Variants in MALRD1 observed in about 807,000 individuals in gnomAD.
MALRD1 encodes MAM and LDL-receptor class A domain-containing protein 1.
A neutral mutation model predicts 242.1 loss-of-function variants in MALRD1; 247 were observed. The observed-to-expected ratio is 1.02, with a 90% CI of 0.92 to 1.13. The LOEUF is 1.13. Ranked by LOEUF, MALRD1 falls within the 50% of genes most tolerant of loss-of-function variation. The pLI is 0.00. For synonymous variants in MALRD1, 995 were observed against 866.6 expected (o/e 1.15, Z -2.60); for missense variants, 2,989 against 2,533.1 (o/e 1.18, Z -3.86).
At chr10:19,287,487 T>C (rs1452544246) in intron 21 of MALRD1, among the ~76,000 whole-genome samples, 2 of 152,136 alleles carry the variant, frequency 1.3e-5, no homozygotes, top group African/African-American at 4.8e-5. Flanking sequence ...GAGCTAGATA[T>C]TGCATGATGA....
chr10:19,109,407 C>T (rs1472075916), intron 5 of MALRD1, among the ~76,000 whole-genome samples: 1 of 152,162 alleles, frequency 6.6e-6, no homozygotes, highest in African/African-American at 2.4e-5. Flanking sequence ...CACAAGGATG[C>T]ATGAGGACTG....
chr10:19,146,434 G>A (rs1833729016), intron 11 of MALRD1, 90 bp downstream of exon 11: 2 of 1,094,894 alleles, frequency 1.8e-6, no homozygotes, highest in Non-Finnish European at 2.3e-6. Flanking sequence ...CTATTCTGTA[G>A]ACTGTATACA....
chr10:19,461,181 T>C (rs1835923026), intron 29 of MALRD1, among the ~76,000 whole-genome samples: 1 of 152,032 alleles, frequency 6.6e-6, no homozygotes, highest in Non-Finnish European at 1.5e-5. Context: ...CACAATCTCA[T>C]TTAAGAGGGG....
chr10:19,102,935 G>A (rs915648903), intron 4 of MALRD1, among the ~76,000 whole-genome samples: 42 of 151,584 alleles, frequency 2.8e-4, no homozygotes, highest in African/African-American at 9.9e-4. Context: ...TGCAACCTGC[G>A]CCTCCCGGTT....
chr10:19,414,959 A>G (rs1190989047), intron 28 of MALRD1, among the ~76,000 whole-genome samples: 1 of 152,236 alleles, frequency 6.6e-6, no homozygotes, highest in Non-Finnish European at 1.5e-5. Context: ...CCATAAAATC[A>G]TCTGCATACC....
chr10:19,409,298 A>G lies in MALRD1; in HGVS notation c.4845+19689A>G, dbSNP rs759433192. On this transcript the variant is annotated intron_variant, in intron 28 of 39. Coordinates refer to ENST00000454679, the MANE Select transcript of MALRD1 (RefSeq NM_001142308.3). ...AATGACCGAATTCCTTCAGAAATAG[A>G]TAACAGGCTGGGTGAGTGCAGTGGC... Among the ~76,000 whole-genome samples the G allele has an allele frequency of 8.3e-4, 126 of 152,272 alleles. 1 individual carries two copies. The highest frequency in any genetic ancestry group is 3.5e-3 in the Admixed American group (53 of 15,290).
rs1833858969 is a variant in MALRD1 at position 19,521,049 on chromosome 10, T to C, written c.5321-10145T>C. On this transcript the variant is annotated intron_variant, in intron 31 of 39. Transcript: ENST00000454679. ...TTTTTTGTTTGTGTCAAAGGTATTA[T>C]CTGTGAGATGATACTGAGTGAAAAA... is the stretch of plus-strand genomic sequence containing the variant. Among the ~76,000 whole-genome samples, 3 of 152,164 alleles carry C rather than the reference T, an allele frequency of 2.0e-5. No individual in the cohort carries two copies. The South Asian group carries it at 6.2e-4, about 31-fold the overall frequency.
intron 21 of MALRD1, among the ~76,000 whole-genome samples, chr10:19,318,347 TCTC>T (rs1842785191): frequency 6.6e-6 from 1 of 151,972 alleles, no homozygotes; most frequent in Non-Finnish European, 1.5e-5. Flanking sequence ...TTCAAATTGA[TCTC>T]CTGACATATC....
chr10:19,430,132 T>TTTTTTTG (rs60561217), intron 28 of MALRD1, among the ~76,000 whole-genome samples: 3 of 144,404 alleles, frequency 2.1e-5, no homozygotes, highest in Non-Finnish European at 4.5e-5. Flanking sequence ...TTTTTTTTTT[T>TTTTTTTG]GAGATGGAGG....
intron 36 of MALRD1, among the ~76,000 whole-genome samples, chr10:19,649,611 T>A (rs7077648): frequency 0.11 from 16,763 of 152,188 alleles, 2,370 homozygotes; most frequent in African/African-American, 0.33. Flanking sequence ...TTAAGTTCCT[T>A]ATAGATTCTG....
chr10:19,483,791 G>T (rs547244029), intron 29 of MALRD1, among the ~76,000 whole-genome samples: 5 of 152,040 alleles, frequency 3.3e-5, no homozygotes, highest in African/African-American at 9.6e-5. Flanking sequence ...CAAAAGAAAA[G>T]AAATATTTCT....
intron 36 of MALRD1, among the ~76,000 whole-genome samples, chr10:19,657,882 T>A (rs1331898106): frequency 2.0e-5 from 3 of 152,138 alleles, no homozygotes; most frequent in Non-Finnish European, 4.4e-5. Context: ...GTACAACAGC[T>A]CATGCCTGTA....
intron 14 of MALRD1, among the ~76,000 whole-genome samples, chr10:19,199,087 A>G (rs962079723): frequency 6.6e-6 from 1 of 152,208 alleles, no homozygotes; most frequent in Non-Finnish European, 1.5e-5. Flanking sequence ...GACAACCTCT[A>G]TGAACCTAAG....
intron 28 of MALRD1, among the ~76,000 whole-genome samples, chr10:19,429,121 C>G (rs1219896232): frequency 6.6e-6 from 1 of 152,180 alleles, no homozygotes; most frequent in East Asian, 1.9e-4. Context: ...TAAAAACACA[C>G]TTGACGACAA....
At chr10:19,210,470 A>G (rs1398217536) in intron 18 of MALRD1, among the ~76,000 whole-genome samples, 2 of 152,218 alleles carry the variant, frequency 1.3e-5, no homozygotes, top group Non-Finnish European at 2.9e-5. Flanking sequence ...CCAGCATATC[A>G]TAGAGCCTAT....
intron 33 of MALRD1, among the ~76,000 whole-genome samples, chr10:19,586,711 C>G (rs1241152477): frequency 6.6e-6 from 1 of 152,256 alleles, no homozygotes; most frequent in East Asian, 1.9e-4. Flanking sequence ...GAGGTGGAGC[C>G]TACAGAGGCC....
At chr10:19,107,469 T>G (rs1836503832) in intron 5 of MALRD1, among the ~76,000 whole-genome samples, 2 of 151,984 alleles carry the variant, frequency 1.3e-5, no homozygotes, top group South Asian at 4.1e-4. Context: ...TTGGTTTCTA[T>G]TTGCATGAAA....
At chr10:19,120,000 G>C (rs190916883) in intron 5 of MALRD1, among the ~76,000 whole-genome samples, 11 of 152,238 alleles carry the variant, frequency 7.2e-5, no homozygotes, top group African/African-American at 2.6e-4. Context: ...AGAGGCTTAA[G>C]TCAGTAGCAG....
intron 29 of MALRD1, chr10:19,489,281 A>G (rs1837377098): frequency 2.0e-6 from 1 of 490,572 alleles, no homozygotes; most frequent in Admixed American, 2.3e-5. Context: ...AGCAAAGGGA[A>G]AACAGGCCTA....
Sources: allele counts gnomAD v4.1 joint callset (sites outside exome capture counted in the v4.1 genomes callset), GRCh38; gene constraint gnomAD v4.1.1; transcripts MANE v1.5; gene names NCBI Gene and HGNC (gene_info 2026-07-23, HGNC 2026-07-21).